The following PDZD8 variants were observed in gnomAD, a reference collection of about 807,000 sequenced individuals.
PDZD8 encodes PDZ domain-containing protein 8.
A neutral mutation model predicts 85.8 loss-of-function variants in PDZD8; 14 were observed. The ratio of observed to expected loss-of-function variants is 0.16; its 90% CI spans 0.11 to 0.26. PDZD8 has a LOEUF of 0.26. PDZD8 is among the 10% of genes least tolerant of loss of function. The pLI, the probability that PDZD8 is intolerant of heterozygous loss-of-function variation, is 1.00. For missense variants in PDZD8, 1,197 were observed against 1,424.3 expected, an observed-to-expected ratio of 0.84 and a Z score of 2.57; for synonymous variants, 592 against 568.6, an observed-to-expected ratio of 1.04 and a Z score of -0.59.
At chr10:117,317,490 A>T (rs112933029) in intron 3 of PDZD8, among the ~76,000 whole-genome samples, 1 of 152,220 alleles carries the variant, frequency 6.6e-6, no homozygotes, top group South Asian at 2.1e-4. Flanking sequence ...CTTATGACAT[A>T]TACTAAGATC....
intron 2 of PDZD8, among the ~76,000 whole-genome samples, chr10:117,336,693 G>C (rs563205653): frequency 1.9e-4 from 29 of 151,974 alleles, no homozygotes; most frequent in African/African-American, 7.0e-4. Flanking sequence ...CATCTTGAGG[G>C]GGTTCCTACT....
rs1844175850 is a variant in PDZD8, at chr10:117,318,872, C to T, written c.1098G>A (p.Thr366=). Residue 366 remains threonine (T), a splice_region_variant and synonymous_variant, in exon 3 of 5, where the codon ACG becomes ACA. Coordinates refer to ENST00000334464, the MANE Select transcript of PDZD8 (RefSeq NM_173791.5). ...WEEKQRSSIK[T]VELIKGNLQS... ...ATAAATCACTGTAAATCCATTTTAC[C>T]GTCTTAATAGAACTCCTCTGTTTTT... is the stretch of plus-strand genomic sequence containing the variant. The T allele has an allele frequency of 2.5e-6, 4 of 1,573,504 alleles. No individual in the cohort carries two copies. Among genetic ancestry groups the T allele is most frequent in the Admixed American group, 3.4e-5 (2 of 59,574 alleles).
At chr10:117,373,773 CTG>C (rs1309685852) in intron 1 of PDZD8, among the ~76,000 whole-genome samples, 2 of 143,722 alleles carry the variant, frequency 1.4e-5, no homozygotes, top group Non-Finnish European at 3.0e-5. Flanking sequence ...CAGCAAGACT[CTG>C]TCTCAAAAAC....
At chr10:117,346,915 A>G (rs1242362393) in intron 1 of PDZD8, among the ~76,000 whole-genome samples, 1 of 152,096 alleles carries the variant, frequency 6.6e-6, no homozygotes, top group African/African-American at 2.4e-5. Flanking sequence ...AGCCCTATGT[A>G]TATCAATCAC....
intron 3 of PDZD8, among the ~76,000 whole-genome samples, chr10:117,301,741 A>T (rs534472575): frequency 5.3e-5 from 8 of 152,300 alleles, no homozygotes; most frequent in African/African-American, 1.4e-4. Context: ...ACCATCCATC[A>T]CCTTTAAAAA....
At chr10:117,366,081 A>G (rs1845084968) in intron 1 of PDZD8, among the ~76,000 whole-genome samples, 5 of 152,192 alleles carry the variant, frequency 3.3e-5, no homozygotes, top group Admixed American at 3.3e-4. Flanking sequence ...TTCATAGGAT[A>G]GAGAGAGGGA....
chr10:117,312,568 G>C (rs1400655015), intron 3 of PDZD8, among the ~76,000 whole-genome samples: 1 of 152,134 alleles, frequency 6.6e-6, no homozygotes, highest in Admixed American at 6.5e-5. Context: ...TAGCATGCTG[G>C]ATTATCGAAG....
At chr10:117,350,472 G>A (rs1347836939) in intron 1 of PDZD8, among the ~76,000 whole-genome samples, 2 of 150,880 alleles carry the variant, frequency 1.3e-5, no homozygotes, top group African/African-American at 2.4e-5. Flanking sequence ...CACTGTGTAG[G>A]CCAGGCTGGT....
chr10:117,349,383 T>C (rs550425388), intron 1 of PDZD8, among the ~76,000 whole-genome samples: 32 of 152,252 alleles, frequency 2.1e-4, no homozygotes, highest in African/African-American at 7.7e-4. Flanking sequence ...AACTGGAATA[T>C]AGAGAAGGAA....
intron 1 of PDZD8, among the ~76,000 whole-genome samples, chr10:117,363,836 C>T (rs1845038686): frequency 2.0e-5 from 3 of 152,182 alleles, no homozygotes; most frequent in Admixed American, 6.5e-5. Context: ...AATTCACAGG[C>T]GTAAATACTC....
chr10:117,341,701 A>T (rs1007829244), intron 1 of PDZD8, among the ~76,000 whole-genome samples: 2 of 152,214 alleles, frequency 1.3e-5, no homozygotes, highest in Admixed American at 6.5e-5. Context: ...CAAGGAAAAA[A>T]GTCTGTACAT....
At chr10:117,309,778 A>T (rs1045256094) in intron 3 of PDZD8, among the ~76,000 whole-genome samples, 1 of 152,182 alleles carries the variant, frequency 6.6e-6, no homozygotes. Context: ...ACATTTTAAT[A>T]TATTTAATCT....
intron 3 of PDZD8, among the ~76,000 whole-genome samples, chr10:117,315,633 G>A (rs1052606022): frequency 6.7e-6 from 1 of 149,692 alleles, no homozygotes; most frequent in African/African-American, 2.5e-5. Context: ...TTTTGTGTCT[G>A]GAACTAGGGG....
intron 3 of PDZD8, among the ~76,000 whole-genome samples, chr10:117,308,585 A>G (rs897234557): frequency 1.3e-5 from 2 of 152,126 alleles, no homozygotes; most frequent in Non-Finnish European, 2.9e-5. Context: ...AGATTATGAA[A>G]TACCTTGCTC....
intron 2 of PDZD8, among the ~76,000 whole-genome samples, chr10:117,340,054 C>T (rs1430080366): frequency 1.3e-5 from 2 of 152,134 alleles, no homozygotes; most frequent in Non-Finnish European, 2.9e-5. Context: ...GTAAGTAGCT[C>T]AAGCAAGATA....
At chr10:117,287,598 T>G (rs1301754930) in intron 4 of PDZD8, among the ~76,000 whole-genome samples, 2 of 152,208 alleles carry the variant, frequency 1.3e-5, no homozygotes, top group Non-Finnish European at 2.9e-5. Context: ...CCTAGGGATA[T>G]TTGACTCCCT....
intron 2 of PDZD8, among the ~76,000 whole-genome samples, chr10:117,339,044 T>C (rs1363234188): frequency 6.6e-6 from 1 of 152,016 alleles, no homozygotes; most frequent in Non-Finnish European, 1.5e-5. Flanking sequence ...TTTAGTCTTT[T>C]TTTGATTTAA....
chr10:117,315,587 C>CAAA (rs35866840), intron 3 of PDZD8, among the ~76,000 whole-genome samples: 597 of 42,004 alleles, frequency 0.014, 46 homozygotes, highest in African/African-American at 0.042. Context: ...TAGACTCTCT[C>CAAA]AAAAAAAAAA....
At chr10:117,327,531 G>A (rs554976562) in intron 2 of PDZD8, among the ~76,000 whole-genome samples, 9 of 152,246 alleles carry the variant, frequency 5.9e-5, no homozygotes, top group African/African-American at 1.9e-4. Context: ...TAACCAATCA[G>A]GTTTTTTTTC....
Sources: allele counts gnomAD v4.1 joint callset (sites outside exome capture counted in the v4.1 genomes callset), GRCh38; gene constraint gnomAD v4.1.1; transcripts MANE v1.5; gene names NCBI Gene and HGNC (gene_info 2026-07-23, HGNC 2026-07-21).